Variants in LAMP3 observed in about 807,000 individuals in gnomAD.
LAMP3 encodes the protein lysosome associated membrane protein 3, also known as lysosome-associated membrane glycoprotein 3.
Under a neutral mutation model 34.8 loss-of-function variants are expected in LAMP3, and 26 were observed. The ratio of observed to expected loss-of-function variants is 0.75; its 90% confidence interval spans 0.55 to 1.04. The LOEUF (loss-of-function observed/expected upper bound fraction) is 1.04. Among genes scored for constraint, LAMP3 ranks in the 50% least tolerant of loss-of-function variants. LAMP3 has a pLI of 0.00. For missense variants in LAMP3, 495 were observed against 524.0 expected (o/e 0.94, Z 0.54); for synonymous variants, 180 against 201.9 (o/e 0.89, Z 0.92).
intron 5 of LAMP3, among the ~76,000 whole-genome samples, chr3:183,128,181 C>T (rs1369980601): frequency 2.0e-5 from 3 of 149,760 alleles, no homozygotes; most frequent in African/African-American, 7.3e-5. Flanking sequence ...GACGATTTAA[C>T]ACTGTCATAT....
intron 3 of LAMP3, among the ~76,000 whole-genome samples, chr3:183,145,070 G>A (rs938977635): frequency 6.6e-6 from 1 of 152,164 alleles, no homozygotes; most frequent in Non-Finnish European, 1.5e-5. Context: ...AGGGGTGGAG[G>A]AGAAAGGGAT....
chr3:183,138,820 G>A (rs931345239), intron 4 of LAMP3, among the ~76,000 whole-genome samples: 8 of 151,870 alleles, frequency 5.3e-5, no homozygotes, highest in South Asian at 4.1e-4. Context: ...TCTGTCCCTC[G>A]ACCTCACCTG....
Position 183,136,031 on chromosome 3 carries a change from A to G in LAMP3, c.947-144T>C, listed in dbSNP as rs1720077634. ...GGGTTCTGCCACCTTCTCCCCATGA[A>G]AAAACACCCTGGTGCGGTTTGGAGA... On this transcript the variant is annotated intron_variant, in intron 4 of 5. Coordinates refer to ENST00000265598, the MANE Select transcript of LAMP3 (RefSeq NM_014398.4). 1.2e-5 allele frequency: 8 copies of G among 689,440 alleles called. No homozygotes were observed. The South Asian group carries it at 1.4e-4, about 12-fold the overall frequency. 42.7% of individuals were successfully genotyped at this position (689,440 alleles called of 1,614,324 possible). A position where few individuals can be genotyped will look rare whatever the true frequency, so the allele number is the denominator to read the frequency against.
intron 3 of LAMP3, among the ~76,000 whole-genome samples, chr3:183,145,089 G>A (rs1034198178): frequency 1.3e-5 from 2 of 152,160 alleles, no homozygotes; most frequent in African/African-American, 4.8e-5. Flanking sequence ...ATAGTCCTGT[G>A]CACAGAATGA....
intron 3 of LAMP3, among the ~76,000 whole-genome samples, chr3:183,149,630 C>G (rs1326470269): frequency 3.0e-5 from 4 of 135,036 alleles, no homozygotes; most frequent in East Asian, 2.2e-4. Flanking sequence ...CACACACACA[C>G]AGAATGAATA....
In LAMP3 at chr3:183,122,743, T is replaced by C. The variant is rs1719700011; in HGVS notation, c.*1338A>G. 1 of 152,248 alleles carries C rather than the reference T, an allele frequency of 6.6e-6. No individual in the cohort carries two copies. Among genetic ancestry groups the C allele is most frequent in the Admixed American group, 6.5e-5 (1 of 15,282 alleles). The allele number at this position is 152,248 out of a possible 1,614,324, so 9.4% of individuals were successfully genotyped here. A position where few individuals can be genotyped will look rare whatever the true frequency, so the allele number is the denominator to read the frequency against. On this transcript the variant is annotated 3_prime_UTR_variant, in exon 6 of 6. Coordinates refer to ENST00000265598, the MANE Select transcript of LAMP3 (RefSeq NM_014398.4). ...TTATTAAGGATAGGCTATTTTGTTA[T>C]CTGCAAAGCTCTCCTTTCATCTACC...
chr3:183,159,227 A>G (rs943046688), intron 1 of LAMP3, among the ~76,000 whole-genome samples: 1 of 152,226 alleles, frequency 6.6e-6, no homozygotes, highest in African/African-American at 2.4e-5. Context: ...AGATACTATG[A>G]GAGTGTGGGT....
chr3:183,159,753 T>A (rs1195553460), intron 1 of LAMP3, among the ~76,000 whole-genome samples: 1 of 152,262 alleles, frequency 6.6e-6, no homozygotes, highest in Non-Finnish European at 1.5e-5. Context: ...TAAAGAGTTC[T>A]ATGTCTAAAC....
At chr3:183,160,583 C>A (rs1196557348) in intron 1 of LAMP3, among the ~76,000 whole-genome samples, 3 of 151,878 alleles carry the variant, frequency 2.0e-5, no homozygotes, top group Non-Finnish European at 4.4e-5. Flanking sequence ...AACTGGGAGA[C>A]CATGAACAAT....
chr3:183,133,307 G>C (rs1212614928), intron 5 of LAMP3, among the ~76,000 whole-genome samples: 3 of 152,194 alleles, frequency 2.0e-5, no homozygotes, highest in Admixed American at 2.0e-4. Context: ...TGTGATCAGA[G>C]TTATGTCTTG....
At chr3:183,131,346 C>T (rs946946697) in intron 5 of LAMP3, among the ~76,000 whole-genome samples, 10 of 152,170 alleles carry the variant, frequency 6.6e-5, no homozygotes, top group African/African-American at 2.4e-4. Context: ...AACACCTTGT[C>T]CTCTGCCCTA....
intron 5 of LAMP3, among the ~76,000 whole-genome samples, chr3:183,125,209 A>C (rs1719754757): frequency 6.6e-6 from 1 of 152,230 alleles, no homozygotes; most frequent in South Asian, 2.1e-4. Flanking sequence ...AAATAAATGA[A>C]GAACCATGTC....
At chr3:183,158,536 AC>A (rs1257173332) in intron 1 of LAMP3, among the ~76,000 whole-genome samples, 2 of 140,908 alleles carry the variant, frequency 1.4e-5, no homozygotes, top group African/African-American at 2.7e-5. Context: ...GCAAACAAGC[AC>A]CCCAGGGCCT....
At chr3:183,158,523 T>G (rs1720885596) in intron 1 of LAMP3, among the ~76,000 whole-genome samples, 1 of 120,462 alleles carries the variant, frequency 8.3e-6, no homozygotes, top group South Asian at 2.8e-4. Context: ...TTCAGGAGAC[T>G]TGGCAAACAA....
rs111858983 is a variant in LAMP3 at position 183,141,076 on chromosome 3, C to T, written c.889-481G>A. ...ATCCTTAAGGATACCATGGGAGGAC[C>T]TCCCGGGGTCCATAAACCCTCTGGG... On this transcript the variant is annotated intron_variant, in intron 3 of 5. Coordinates refer to ENST00000265598, the MANE Select transcript of LAMP3 (RefSeq NM_014398.4). Among the ~76,000 whole-genome samples, 947 of 152,334 alleles carry T rather than the reference C, an allele frequency of 6.2e-3. 15 individuals carry two copies. The highest frequency in any genetic ancestry group is 0.021 in the African/African-American group (872 of 41,572).
At chr3:183,130,826 A>G (rs1719898133) in intron 5 of LAMP3, among the ~76,000 whole-genome samples, 1 of 152,138 alleles carries the variant, frequency 6.6e-6, no homozygotes, top group Non-Finnish European at 1.5e-5. Context: ...AACGAAGAAA[A>G]TAAAGCAACC....
At chr3:183,132,908 A>G in intron 5 of LAMP3, 1 of 985,466 alleles carries the variant, frequency 1.0e-6, no homozygotes, top group Non-Finnish European at 1.2e-6. Context: ...ACTCAGGCCC[A>G]TGGCCACAGG....
At chr3:183,152,570 C>A in intron 2 of LAMP3, 67 bp from the exon 3 acceptor site, 1 of 1,447,738 alleles carries the variant, frequency 6.9e-7, no homozygotes. Context: ...GAACCAGATG[C>A]ACAGGCTAGT....
chr3:183,156,357 GT>G (rs1427220915), intron 1 of LAMP3, among the ~76,000 whole-genome samples: 1 of 64,424 alleles, frequency 1.6e-5, no homozygotes, highest in African/African-American at 5.5e-5. Flanking sequence ...GCAAAACGCT[GT>G]CTCAAAAACA....
Sources: gnomAD v4.1 joint callset for allele counts (sites outside exome capture counted in the v4.1 genomes callset) on GRCh38, gnomAD v4.1.1 for gene constraint, MANE v1.5 for transcripts, NCBI Gene and HGNC (gene_info 2026-07-23, HGNC 2026-07-21) for gene names.